Variants in FSIP1 observed in about 807,000 individuals in gnomAD.
FSIP1 encodes fibrous sheath-interacting protein 1.
A neutral mutation model predicts 60.9 loss-of-function variants in FSIP1; 65 were observed. The observed-to-expected ratio is 1.07, with a 90% CI of 0.87 to 1.31. The LOEUF is 1.31. Among genes scored for constraint, FSIP1 ranks in the 40% most tolerant of loss-of-function variants. The pLI is 0.00. For missense variants in FSIP1, 675 were observed against 665.5 expected, an observed-to-expected ratio of 1.01 and a Z score of -0.16; for synonymous variants, 209 against 221.2, an observed-to-expected ratio of 0.94 and a Z score of 0.49.
intron 10 of FSIP1, among the ~76,000 whole-genome samples, chr15:39,675,982 G>A (rs998782046): frequency 9.5e-5 from 14 of 147,314 alleles, no homozygotes; most frequent in Non-Finnish European, 1.3e-4. Flanking sequence ...TGGGCTACAC[G>A]GTGAAACCCT....
chr15:39,626,276 G>C (rs1203733680), intron 10 of FSIP1, among the ~76,000 whole-genome samples: 19 of 152,062 alleles, frequency 1.2e-4, no homozygotes, highest in Admixed American at 1.2e-3. Context: ...TCTGTCTCTG[G>C]GATCTTCAAC....
intron 10 of FSIP1, among the ~76,000 whole-genome samples, chr15:39,634,525 A>G (rs1390523688): frequency 6.6e-6 from 1 of 152,222 alleles, no homozygotes; most frequent in African/African-American, 2.4e-5. Flanking sequence ...ACCTGGATAG[A>G]GCATATTATA....
At chr15:39,706,399 C>T (rs898592270) in intron 10 of FSIP1, among the ~76,000 whole-genome samples, 2 of 152,104 alleles carry the variant, frequency 1.3e-5, no homozygotes, top group African/African-American at 4.8e-5. Context: ...TTTGGCTGGC[C>T]TAACGGGTGT....
intron 5 of FSIP1, among the ~76,000 whole-genome samples, chr15:39,751,745 C>T (rs1897170712): frequency 6.6e-6 from 1 of 151,898 alleles, no homozygotes; most frequent in Admixed American, 6.6e-5. Context: ...TAATGTACAA[C>T]TCAAGGACTA....
At chr15:39,713,402 A>AT (rs757053610) in intron 10 of FSIP1, 42 bp downstream of exon 10, 4 of 1,555,228 alleles carry the variant, frequency 2.6e-6, no homozygotes, top group Non-Finnish European at 2.6e-6. Context: ...ACCTGCCTCT[A>AT]TTTTTTTCTT....
At chr15:39,692,746 A>T (rs62002439) in intron 10 of FSIP1, among the ~76,000 whole-genome samples, 14 of 149,080 alleles carry the variant, frequency 9.4e-5, no homozygotes, top group Admixed American at 6.7e-4. Context: ...CCCTAGGTTT[A>T]AAAAAAAAAG....
Position 39,776,411 on chromosome 15 carries a change from T to G in FSIP1, c.114A>C (p.Pro38=). The change falls in exon 2 of 12, where the codon CCA becomes CCC. Residue 38 remains proline (P), a synonymous_variant. Transcript: ENST00000350221. Reference sequence around the variant, plus strand: ...AAACGTAAATTACCTTGAAGGATCCTGGTTCTGTTGAGAGCACCTCCAAAG... The same window carrying G: ...AAACGTAAATTACCTTGAAGGATCCGGGTTCTGTTGAGAGCACCTCCAAAG... The part of the protein sequence containing the change: ...NASLEVLSTE[P]GSFKVDTASN... 1 of 1,613,392 alleles carries G rather than the reference T, an allele frequency of 6.2e-7. No individual in the cohort carries two copies.
At chr15:39,659,555 AC>A (rs1365475270) in intron 10 of FSIP1, among the ~76,000 whole-genome samples, 1 of 150,700 alleles carries the variant, frequency 6.6e-6, no homozygotes, top group Non-Finnish European at 1.5e-5. Context: ...AAAAAAAAAA[AC>A]ACTGAATTGC....
At chr15:39,713,402 A>T in intron 10 of FSIP1, 42 bp downstream of exon 10, 1 of 1,555,238 alleles carries the variant, frequency 6.4e-7, no homozygotes, top group East Asian at 2.3e-5. Context: ...ACCTGCCTCT[A>T]TTTTTTTCTT....
At chr15:39,659,981 T>A (rs1893233330) in intron 10 of FSIP1, among the ~76,000 whole-genome samples, 1 of 152,178 alleles carries the variant, frequency 6.6e-6, no homozygotes, top group South Asian at 2.1e-4. Context: ...GTGACTTCTT[T>A]TTTACTTCTA....
rs151148343 is a variant in FSIP1 at position 39,623,567 on chromosome 15, A to G, written c.1189-5322T>C. Among the ~76,000 whole-genome samples, 30 of 152,360 alleles carry G rather than the reference A, an allele frequency of 2.0e-4. No individual in the cohort carries two copies. In the East Asian group the frequency reaches 5.4e-3, roughly 27 times the overall value. ...CCACCGTTTGCTTAATGACGAAGAT[A>G]TAAGTTTATAGCTCTCTATTGCAAC... On this transcript the variant is annotated intron_variant, in intron 10 of 11. Coordinates refer to ENST00000350221, the MANE Select transcript of FSIP1 (RefSeq NM_152597.5).
chr15:39,670,303 C>G (rs758995788), intron 10 of FSIP1, among the ~76,000 whole-genome samples: 12 of 152,116 alleles, frequency 7.9e-5, no homozygotes, highest in Non-Finnish European at 1.8e-4. Flanking sequence ...CAGAGCTATT[C>G]CGATAGTGGT....
intron 10 of FSIP1, among the ~76,000 whole-genome samples, chr15:39,700,813 T>C (rs1895026051): frequency 6.6e-6 from 1 of 152,182 alleles, no homozygotes; most frequent in Non-Finnish European, 1.5e-5. Context: ...AACCCAAAAA[T>C]TGGGACACAG....
intron 10 of FSIP1, among the ~76,000 whole-genome samples, chr15:39,657,408 GAT>G (rs918809233): frequency 3.3e-5 from 5 of 152,160 alleles, no homozygotes; most frequent in Non-Finnish European, 7.3e-5. Context: ...ATGCTAGATT[GAT>G]ATTATGACCC....
At chr15:39,761,887 G>A (rs920972902) in intron 5 of FSIP1, among the ~76,000 whole-genome samples, 4 of 152,152 alleles carry the variant, frequency 2.6e-5, no homozygotes, top group Non-Finnish European at 4.4e-5. Context: ...GCATAAAACA[G>A]TGAACACTTT....
At chr15:39,681,378 T>G (rs1200050688) in intron 10 of FSIP1, among the ~76,000 whole-genome samples, 1 of 152,188 alleles carries the variant, frequency 6.6e-6, no homozygotes, top group Non-Finnish European at 1.5e-5. Context: ...TTTGAAATTT[T>G]TATAATCATC....
At chr15:39,711,282 C>A (rs539837360) in intron 10 of FSIP1, among the ~76,000 whole-genome samples, 14 of 152,094 alleles carry the variant, frequency 9.2e-5, no homozygotes, top group African/African-American at 2.9e-4. Context: ...CTCACTACGT[C>A]CTCACATGGT....
chr15:39,610,152 A>G (rs1890972771), intron 11 of FSIP1, among the ~76,000 whole-genome samples: 1 of 152,216 alleles, frequency 6.6e-6, no homozygotes, highest in Non-Finnish European at 1.5e-5. Flanking sequence ...AAAAAGAATG[A>G]AGAAAGCCTA....
At chr15:39,643,663 A>G (rs973002699) in intron 10 of FSIP1, among the ~76,000 whole-genome samples, 26 of 152,218 alleles carry the variant, frequency 1.7e-4, no homozygotes, top group African/African-American at 5.1e-4. Flanking sequence ...ATCTGGGGAA[A>G]TTGAGACAAT....
Sources: allele counts gnomAD v4.1 joint callset (sites outside exome capture counted in the v4.1 genomes callset), GRCh38; gene constraint gnomAD v4.1.1; transcripts MANE v1.5; gene names NCBI Gene and HGNC (gene_info 2026-07-23, HGNC 2026-07-21).